Variants in ARPC1A observed in about 807,000 individuals in gnomAD.
ARPC1A encodes actin-related protein 2/3 complex subunit 1A.
In ARPC1A, 8 loss-of-function variants were observed where a neutral mutation model predicts 46.9. The observed-to-expected ratio is 0.17, with a 90% CI of 0.10 to 0.31. The LOEUF (loss-of-function observed/expected upper bound fraction) is 0.31. Ranked by LOEUF, ARPC1A falls within the 10% of genes least tolerant of loss-of-function variation. The pLI is 1.00. For synonymous variants in ARPC1A, 152 were observed against 169.0 expected, an observed-to-expected ratio of 0.90 and a Z score of 0.78; for missense variants, 286 against 483.6, an observed-to-expected ratio of 0.59 and a Z score of 3.83.
intron 5 of ARPC1A, among the ~76,000 whole-genome samples, chr7:99,349,565 G>T (rs776584811): frequency 1.6e-4 from 25 of 151,994 alleles, no homozygotes; most frequent in Non-Finnish European, 3.1e-4. Flanking sequence ...GAGGCCGGGC[G>T]CAGTAGCTCA....
rs781029729 is a variant in ARPC1A, at chr7:99,348,951, C to T, written c.492C>T (p.Phe164=). ...NVLLAAGSCD[F]KCRVFSAYIK... ...TGCTGGCAGCAGGATCATGTGACTT[C>T]AAATGCAGGTGGGAACCAGTGAGAA... The change falls in exon 5 of 10, where the codon TTC becomes TTT. Residue 164 remains phenylalanine (F), a synonymous_variant. Coordinates refer to ENST00000262942, the MANE Select transcript of ARPC1A (RefSeq NM_006409.4). 2 of 1,613,570 alleles carry T rather than the reference C, an allele frequency of 1.2e-6. No homozygotes were observed. Among genetic ancestry groups the T allele is most frequent in the Non-Finnish European group, 1.7e-6 (2 of 1,179,528 alleles).
At chr7:99,328,530 T>C (rs1277541163) in intron 1 of ARPC1A, among the ~76,000 whole-genome samples, 3 of 152,122 alleles carry the variant, frequency 2.0e-5, no homozygotes, top group Admixed American at 1.3e-4. Flanking sequence ...TTTAGAGATA[T>C]CAAGTGACTT....
chr7:99,359,688 A>G lies in ARPC1A; in HGVS notation c.933A>G (p.Thr311=). 6.2e-7 allele frequency: 1 copy of G among 1,614,206 alleles called. No homozygotes were observed. Among genetic ancestry groups the G allele is most frequent in the Non-Finnish European group, 8.5e-7 (1 of 1,180,050 alleles). Residue 311 remains threonine (T), a synonymous_variant, in exon 8 of 10, where the codon ACA becomes ACG. Transcript: ENST00000262942. ...ERFRNMDKRA[T]TEDRNTALET... ...TCCGCAACATGGACAAGAGAGCCAC[A>G]ACTGAGGACCGCAACACGGCCTTGG...
intron 3 of ARPC1A, 93 bp downstream of exon 3, chr7:99,338,378 ATTTTTTT>A (rs754747240): frequency 4.1e-5 from 10 of 242,116 alleles, no homozygotes; most frequent in East Asian, 1.1e-4. Context: ...GGTGGCCATA[ATTTTTTT>A]TTTTTTTTTT....
At chr7:99,354,706 TG>T (rs1255921400) in intron 6 of ARPC1A, among the ~76,000 whole-genome samples, 1 of 150,952 alleles carries the variant, frequency 6.6e-6, no homozygotes, top group Non-Finnish European at 1.5e-5. Context: ...TTAGCCCTGC[TG>T]GGCACAGTGG....
chr7:99,359,987 G>A (rs1472042419), intron 8 of ARPC1A: 3 of 543,048 alleles, frequency 5.5e-6, no homozygotes, highest in Non-Finnish European at 9.9e-6. Context: ...CAGCCAGCAG[G>A]AGCAGTGCAG....
At chr7:99,360,776 C>T (rs1318313148) in intron 8 of ARPC1A, among the ~76,000 whole-genome samples, 1 of 151,748 alleles carries the variant, frequency 6.6e-6, no homozygotes, top group Non-Finnish European at 1.5e-5. Context: ...CCCATCTCTA[C>T]TAAAAAATAC....
chr7:99,343,686 C>T (rs898383799), intron 3 of ARPC1A, among the ~76,000 whole-genome samples: 1 of 152,020 alleles, frequency 6.6e-6, no homozygotes, highest in Admixed American at 6.6e-5. Context: ...TAGGTATCTT[C>T]CTGGTTTAGA....
intron 4 of ARPC1A, among the ~76,000 whole-genome samples, chr7:99,345,851 G>A (rs1793435744): frequency 6.6e-6 from 1 of 152,076 alleles, no homozygotes; most frequent in Non-Finnish European, 1.5e-5. Context: ...GGATTATCAT[G>A]TTACCTTTGT....
intron 5 of ARPC1A, 63 bp downstream of exon 5, chr7:99,349,022 T>C: frequency 6.9e-7 from 1 of 1,456,970 alleles, no homozygotes; most frequent in African/African-American, 1.4e-5. Context: ...ACAAATAATT[T>C]TAGGTTCTCT....
chr7:99,335,116 T>A (rs1793220132), intron 2 of ARPC1A, among the ~76,000 whole-genome samples: 1 of 152,118 alleles, frequency 6.6e-6, no homozygotes, highest in Non-Finnish European at 1.5e-5. Flanking sequence ...AGTGCTGGGA[T>A]TACAGGTGTA....
chr7:99,339,372 AC>A (rs897916462), intron 3 of ARPC1A, among the ~76,000 whole-genome samples: 6 of 151,226 alleles, frequency 4.0e-5, no homozygotes, highest in African/African-American at 1.5e-4. Context: ...ACATAATGAG[AC>A]CCCCCGTTAG....
Position 99,366,194 on chromosome 7 carries a change from C to T in ARPC1A, c.*265C>T. ...TTATTATGGAAAATTGTCACACTAA[C>T]TTAAAAGACAGGGTGAGGGAGATAT... On this transcript the variant is annotated 3_prime_UTR_variant, in exon 10 of 10. Transcript: ENST00000262942. 2.1e-6 allele frequency: 1 copy of T among 466,842 alleles called. No homozygotes were observed. Among genetic ancestry groups the T allele is most frequent in the Non-Finnish European group, 3.8e-6 (1 of 260,486 alleles). The allele number at this position is 466,842 out of a possible 1,614,324, so 28.9% of individuals were successfully genotyped here.
chr7:99,363,201 T>G (rs1793772765), intron 8 of ARPC1A, among the ~76,000 whole-genome samples: 1 of 152,194 alleles, frequency 6.6e-6, no homozygotes, highest in Non-Finnish European at 1.5e-5. Flanking sequence ...GGACATCTGG[T>G]AATAATATGC....
chr7:99,351,636 C>T (rs919822893), intron 5 of ARPC1A, among the ~76,000 whole-genome samples: 5 of 152,186 alleles, frequency 3.3e-5, no homozygotes, highest in African/African-American at 1.2e-4. Context: ...AGATTTAAAG[C>T]ACAGTGTTTC....
chr7:99,346,840 G>A (rs889120392), intron 4 of ARPC1A, among the ~76,000 whole-genome samples: 2 of 152,076 alleles, frequency 1.3e-5, no homozygotes, highest in Admixed American at 1.3e-4. Context: ...TTAGCCAGGT[G>A]TGGTGGTGCA....
intron 8 of ARPC1A, among the ~76,000 whole-genome samples, chr7:99,362,309 A>T (rs1793757255): frequency 6.7e-6 from 1 of 149,082 alleles, no homozygotes; most frequent in African/African-American, 2.5e-5. Flanking sequence ...ATAAATAAAT[A>T]AAATAAAAAT....
At chr7:99,356,752 T>G (rs1412122978) in intron 6 of ARPC1A, among the ~76,000 whole-genome samples, 1 of 151,774 alleles carries the variant, frequency 6.6e-6, no homozygotes, top group African/African-American at 2.4e-5. Context: ...ATACAAAAAT[T>G]AGCCAGGCGT....
rs555632879 is a variant in ARPC1A, at chr7:99,355,896, C to G, written c.713+1775C>G. On this transcript the variant is annotated intron_variant, in intron 6 of 9. Transcript: ENST00000262942. ...AATTTGAGCCTTCCATTCAGTAAGG[C>G]TTAAAAAGCATTGATGCCACTTCTC... is the stretch of plus-strand genomic sequence containing the variant. 3.3e-5 allele frequency among the ~76,000 whole-genome samples: 5 copies of G among 152,278 alleles called. No homozygotes were observed. The East Asian group carries it at 9.6e-4, about 29-fold the overall frequency.
Sources: gnomAD v4.1 joint callset for allele counts (sites outside exome capture counted in the v4.1 genomes callset) on GRCh38, gnomAD v4.1.1 for gene constraint, MANE v1.5 for transcripts, NCBI Gene and HGNC (gene_info 2026-07-23, HGNC 2026-07-21) for gene names.